CDH2: variants seen among roughly 807,000 people sequenced by gnomAD.
The protein encoded by CDH2 is cadherin-2.
In CDH2, 17 loss-of-function variants were observed where a neutral mutation model predicts 92.0. The ratio of observed to expected loss-of-function variants is 0.18; its 90% confidence interval spans 0.13 to 0.28. CDH2 has a LOEUF of 0.28. CDH2 is among the 10% of genes least tolerant of loss of function. The pLI, the probability that CDH2 is intolerant of heterozygous loss-of-function variation, is 1.00. For missense variants in CDH2, 862 were observed against 1,133.1 expected (o/e 0.76, Z 3.44); for synonymous variants, 419 against 415.9 (o/e 1.01, Z -0.09).
chr18:28,055,816 T>C lies in CDH2; in HGVS notation c.173-41907A>G, dbSNP rs188160209. 1.4e-3 allele frequency among the ~76,000 whole-genome samples: 207 copies of C among 152,270 alleles called. 2 individuals are homozygous for C. Among genetic ancestry groups the C allele is most frequent in the African/African-American group, 4.7e-3 (196 of 41,560 alleles). ...ATATATTATATTTGGGTCTATTAGT[T>C]GAAAAAATATTTTTCTATGGGGAAG... On this transcript the variant is annotated intron_variant, in intron 2 of 15. Transcript: ENST00000269141.
At chr18:28,013,933 AGTT>A (rs764762748) in intron 2 of CDH2, 24 bp from the exon 3 acceptor site, 6 of 1,566,498 alleles carry the variant, frequency 3.8e-6, no homozygotes, top group Non-Finnish European at 5.2e-6. Context: ...GAAATAGGTC[AGTT>A]ATTATAATTA....
intron 2 of CDH2, among the ~76,000 whole-genome samples, chr18:28,126,425 A>G (rs986006244): frequency 6.6e-6 from 1 of 152,198 alleles, no homozygotes; most frequent in Non-Finnish European, 1.5e-5. Context: ...GTGCTTGTGC[A>G]AACTCCCTAG....
intron 2 of CDH2, among the ~76,000 whole-genome samples, chr18:28,056,965 T>G (rs2014305033): frequency 6.6e-6 from 1 of 152,194 alleles, no homozygotes; most frequent in African/African-American, 2.4e-5. Flanking sequence ...TAATTTTGGT[T>G]ATTGTGTTGA....
chr18:27,968,123 C>G (rs1203349275), intron 14 of CDH2, among the ~76,000 whole-genome samples: 1 of 152,172 alleles, frequency 6.6e-6, no homozygotes, highest in African/African-American at 2.4e-5. Context: ...TTATCTGGTG[C>G]TCATCATCTG....
intron 2 of CDH2, among the ~76,000 whole-genome samples, chr18:28,101,933 C>T (rs990000890): frequency 2.6e-5 from 4 of 152,118 alleles, no homozygotes; most frequent in Non-Finnish European, 4.4e-5. Flanking sequence ...TTTTTCTCTG[C>T]CCTCTCCATC....
chr18:28,119,704 T>C (rs2015555228), intron 2 of CDH2, among the ~76,000 whole-genome samples: 2 of 152,080 alleles, frequency 1.3e-5, no homozygotes. Context: ...CCCACAGTAA[T>C]AGATGTTTTA....
rs542337455 is a variant in CDH2 at position 28,045,442 on chromosome 18, T to G, written c.173-31533A>C. 7.0e-4 allele frequency: 327 copies of G among 468,252 alleles called. 4 individuals are homozygous for G. The highest frequency in any genetic ancestry group is 3.6e-3 in the Middle Eastern group (11 of 3,078). The allele number at this position is 468,252 out of a possible 1,614,324, so 29.0% of individuals were successfully genotyped here. A position where few individuals can be genotyped will look rare whatever the true frequency, so the allele number is the denominator to read the frequency against. ...GAGTGTTACACATGTCCTTCAACAA[T>G]GTGGCCACAGCCTAAAAGTCAATTC... On this transcript the variant is annotated intron_variant, in intron 2 of 15. Coordinates refer to ENST00000269141, the MANE Select transcript of CDH2 (RefSeq NM_001792.5).
At chr18:28,143,874 A>C (rs151028901) in intron 2 of CDH2, among the ~76,000 whole-genome samples, 1 of 152,236 alleles carries the variant, frequency 6.6e-6, no homozygotes, top group African/African-American at 2.4e-5. Context: ...GGAAGCCATT[A>C]TTCTCAGCAA....
intron 2 of CDH2, among the ~76,000 whole-genome samples, chr18:28,014,507 A>C (rs1211157987): frequency 6.6e-6 from 1 of 152,178 alleles, no homozygotes; most frequent in Non-Finnish European, 1.5e-5. Flanking sequence ...TATGCTCTAG[A>C]ATTGTAAGAC....
At chr18:28,059,855 T>A (rs571670954) in intron 2 of CDH2, among the ~76,000 whole-genome samples, 1 of 152,240 alleles carries the variant, frequency 6.6e-6, no homozygotes, top group African/African-American at 2.4e-5. Context: ...TCTTCTTTAA[T>A]CTATGTATTC....
intron 1 of CDH2, among the ~76,000 whole-genome samples, chr18:28,150,803 G>A (rs529542333): frequency 2.0e-5 from 3 of 151,954 alleles, no homozygotes; most frequent in Admixed American, 6.5e-5. Flanking sequence ...AAGACAAAAC[G>A]GATCCACAAA....
intron 2 of CDH2, among the ~76,000 whole-genome samples, chr18:28,056,760 T>C (rs2014300874): frequency 1.3e-5 from 2 of 152,172 alleles, no homozygotes; most frequent in African/African-American, 2.4e-5. Context: ...ATTGAGTCCC[T>C]GAAACCCTCC....
chr18:28,007,165 A>AAAAAAAAATATATATATATAT (rs1172779200), intron 5 of CDH2, among the ~76,000 whole-genome samples: 20 of 110,454 alleles, frequency 1.8e-4, no homozygotes, highest in South Asian at 8.9e-4. Flanking sequence ...ATAAAAAAAA[A>AAAAAAAAATATATATATATAT]ATATATATAT....
intron 15 of CDH2, among the ~76,000 whole-genome samples, chr18:27,961,956 TA>T (rs902414812): frequency 4.6e-5 from 7 of 151,064 alleles, no homozygotes; most frequent in Non-Finnish European, 7.4e-5. Flanking sequence ...CAAAAAAAAT[TA>T]AAAAAAAATT....
intron 2 of CDH2, among the ~76,000 whole-genome samples, chr18:28,052,370 C>T (rs1481932543): frequency 6.6e-6 from 1 of 151,930 alleles, no homozygotes; most frequent in Non-Finnish European, 1.5e-5. Flanking sequence ...ATATTTAAGC[C>T]GTAGTAACAG....
chr18:28,146,373 A>G (rs1338325746), intron 2 of CDH2: 1 of 152,092 alleles, frequency 6.6e-6, no homozygotes, highest in African/African-American at 2.4e-5. Flanking sequence ...GGATACACAC[A>G]GAAGAACTCC....
intron 2 of CDH2, among the ~76,000 whole-genome samples, chr18:28,111,210 C>T (rs1360436687): frequency 6.6e-6 from 1 of 152,196 alleles, no homozygotes; most frequent in Non-Finnish European, 1.5e-5. Context: ...ATTATCAAAC[C>T]TCAAAGCCTC....
chr18:28,106,834 ATAAT>A (rs1378008644), intron 2 of CDH2, among the ~76,000 whole-genome samples: 28 of 152,328 alleles, frequency 1.8e-4, no homozygotes, highest in Admixed American at 1.6e-3. Context: ...ATATCATGAG[ATAAT>A]TATTTTACAG....
intron 9 of CDH2, among the ~76,000 whole-genome samples, 169 bp from the exon 10 acceptor site, chr18:27,990,519 A>T (rs2143969464): frequency 6.6e-6 from 1 of 152,328 alleles, no homozygotes; most frequent in Non-Finnish European, 1.5e-5. Flanking sequence ...CACTTATCAA[A>T]ATATTTATCC....
Sources: gnomAD v4.1 joint callset for allele counts (sites outside exome capture counted in the v4.1 genomes callset) on GRCh38, gnomAD v4.1.1 for gene constraint, MANE v1.5 for transcripts, NCBI Gene and HGNC (gene_info 2026-07-23, HGNC 2026-07-21) for gene names.